LSAMP: variants seen among roughly 807,000 people sequenced by gnomAD.
LSAMP encodes the protein limbic system associated membrane protein.
A neutral mutation model predicts 38.6 loss-of-function variants in LSAMP; 7 were observed. That is an observed-to-expected ratio of 0.18 (90% CI 0.10 to 0.34). The LOEUF is 0.34. LSAMP is among the 10% of genes least tolerant of loss of function. The pLI is 1.00. For missense variants in LSAMP, 313 were observed against 420.0 expected, an observed-to-expected ratio of 0.75 and a Z score of 2.23; for synonymous variants, 154 against 166.8, an observed-to-expected ratio of 0.92 and a Z score of 0.59.
chr3:116,260,329 A>C (rs1017163325), intron 1 of LSAMP, among the ~76,000 whole-genome samples: 1 of 152,106 alleles, frequency 6.6e-6, no homozygotes, highest in African/African-American at 2.4e-5. Flanking sequence ...TCTCCAGTAA[A>C]AGCAGATTTA....
intron 1 of LSAMP, chr3:116,370,116 A>G (rs1166387111): frequency 2.6e-5 from 4 of 152,334 alleles, no homozygotes; most frequent in African/African-American, 9.6e-5. Context: ...AGTATGTGCT[A>G]TAGTCTGTAT....
intron 1 of LSAMP, among the ~76,000 whole-genome samples, chr3:116,279,518 T>G (rs932660260): frequency 1.6e-4 from 25 of 152,316 alleles, no homozygotes; most frequent in African/African-American, 6.0e-4. Context: ...ATGTGAAAGA[T>G]TCTCTACACT....
chr3:116,131,370 T>C (rs1473236832), intron 1 of LSAMP, among the ~76,000 whole-genome samples: 1 of 152,136 alleles, frequency 6.6e-6, no homozygotes, highest in African/African-American at 2.4e-5. Flanking sequence ...TACTCAGGCC[T>C]GAGCCACCAA....
At chr3:116,229,211 C>T (rs1029103083) in intron 1 of LSAMP, among the ~76,000 whole-genome samples, 4 of 152,056 alleles carry the variant, frequency 2.6e-5, no homozygotes, top group Non-Finnish European at 5.9e-5. Flanking sequence ...AACAAAAATA[C>T]TTGCCTCTCC....
chr3:115,834,555 T>C (rs1934722418), intron 6 of LSAMP: 1 of 1,283,936 alleles, frequency 7.8e-7, no homozygotes, highest in South Asian at 1.2e-5. Flanking sequence ...ATAAAAATCA[T>C]ACTGACCTTG....
intron 1 of LSAMP, among the ~76,000 whole-genome samples, chr3:116,244,000 CACTTCCTAT>C (rs1252646888): frequency 1.3e-5 from 2 of 152,148 alleles, no homozygotes; most frequent in Non-Finnish European, 1.5e-5. Context: ...TTCTCTTGTG[CACTTCCTAT>C]AGTAGGTTTC....
chr3:116,264,101 C>T (rs1183942374), intron 1 of LSAMP, among the ~76,000 whole-genome samples: 2 of 152,062 alleles, frequency 1.3e-5, no homozygotes, highest in Admixed American at 6.5e-5. Context: ...GGAAATATCA[C>T]CTTTTAGTAT....
At chr3:116,207,165 T>C (rs1322245478) in intron 1 of LSAMP, among the ~76,000 whole-genome samples, 5 of 151,782 alleles carry the variant, frequency 3.3e-5, no homozygotes, top group African/African-American at 1.2e-4. Flanking sequence ...GTAATGGCCT[T>C]CTTTGTCTCT....
chr3:116,122,088 C>T (rs1708889358), intron 1 of LSAMP, among the ~76,000 whole-genome samples: 1 of 151,938 alleles, frequency 6.6e-6, no homozygotes, highest in Non-Finnish European at 1.5e-5. Flanking sequence ...ATCAAGGCAT[C>T]AAAGCATTGG....
At position 115,852,610 on chromosome 3, in the gene LSAMP, T is replaced by G. The variant is rs138225725; in HGVS notation, c.522A>C (p.Glu174Asp). 2 of 1,611,440 alleles carry G rather than the reference T, an allele frequency of 1.2e-6. No homozygotes were observed. The highest frequency in any genetic ancestry group is 1.7e-6 in the Non-Finnish European group (2 of 1,179,086). The change falls in exon 4 of 7, where the codon GAA (glutamate) becomes GAC (aspartate). Residue 174 changes from glutamate (E) to aspartate (D), a missense_variant. By Grantham distance (45) the Glu-to-Asp change is conservative. Transcript: ENST00000490035. ...TWRHLTPTGREFEGEEEYLEI... is the reference protein window; with the variant it reads ...TWRHLTPTGRDFEGEEEYLEI... ...CCAGATATTCTTCTTCTCCTTCAAATTCCCTTCCTGAAAAACAGAGGTTTT... is the reference window on the plus strand; with the variant it reads ...CCAGATATTCTTCTTCTCCTTCAAAGTCCCTTCCTGAAAAACAGAGGTTTT...
chr3:116,033,480 T>C (rs1188245649), intron 2 of LSAMP, among the ~76,000 whole-genome samples: 1 of 152,194 alleles, frequency 6.6e-6, no homozygotes, highest in Non-Finnish European at 1.5e-5. Context: ...CAAACCTCTA[T>C]GTCCTAAGGA....
At chr3:116,007,325 T>G (rs1298451139) in intron 3 of LSAMP, among the ~76,000 whole-genome samples, 1 of 152,128 alleles carries the variant, frequency 6.6e-6, no homozygotes. Context: ...CTCACAAAGT[T>G]TCTTAAGTGA....
At chr3:116,419,229 C>T (rs1363164979) in intron 1 of LSAMP, among the ~76,000 whole-genome samples, 2 of 152,178 alleles carry the variant, frequency 1.3e-5, no homozygotes, top group African/African-American at 2.4e-5. Flanking sequence ...TATCCCCTAC[C>T]ATATCACTAC....
At chr3:116,253,130 C>G (rs2046706472) in intron 1 of LSAMP, among the ~76,000 whole-genome samples, 1 of 151,992 alleles carries the variant, frequency 6.6e-6, no homozygotes, top group Non-Finnish European at 1.5e-5. Context: ...AAAGAGAGAG[C>G]TAGGAATTTT....
rs183026361 is a variant in LSAMP at position 115,933,973 on chromosome 3, A to C, written c.515-81356T>G. On this transcript the variant is annotated intron_variant, in intron 3 of 6. Transcript: ENST00000490035. ...TTCTTTTAAAAATGTTGGCATTAAA[A>C]GGAAAGGAGGATTGGCTAGTGACTT... 6.9e-3 allele frequency among the ~76,000 whole-genome samples: 1,051 copies of C among 151,904 alleles called. 10 individuals are homozygous for C. The highest frequency in any genetic ancestry group is 0.023 in the African/African-American group (927 of 41,154).
At chr3:116,122,863 C>T (rs577922236) in intron 1 of LSAMP, among the ~76,000 whole-genome samples, 38 of 152,244 alleles carry the variant, frequency 2.5e-4, no homozygotes, top group African/African-American at 8.4e-4. Context: ...AACACTGGGT[C>T]AAGAGCTATG....
chr3:115,853,744 T>G (rs1559851552), intron 3 of LSAMP, among the ~76,000 whole-genome samples: 1 of 152,128 alleles, frequency 6.6e-6, no homozygotes, highest in African/African-American at 2.4e-5. Context: ...CTAGCTAAAC[T>G]GAACCCCCTC....
chr3:115,904,678 G>A (rs1576204071), intron 3 of LSAMP, among the ~76,000 whole-genome samples: 1 of 152,140 alleles, frequency 6.6e-6, no homozygotes, highest in Middle Eastern at 3.4e-3. Flanking sequence ...CAGTCCTTTA[G>A]GGACACTCAG....
chr3:116,225,090 C>A (rs1295328131), intron 1 of LSAMP, among the ~76,000 whole-genome samples: 1 of 152,104 alleles, frequency 6.6e-6, no homozygotes. Flanking sequence ...TGAATATGGA[C>A]AATGTGTAGA....
Sources: allele counts gnomAD v4.1 joint callset (sites outside exome capture counted in the v4.1 genomes callset), GRCh38; gene constraint gnomAD v4.1.1; transcripts MANE v1.5; gene names NCBI Gene and HGNC (gene_info 2026-07-23, HGNC 2026-07-21).